The following PRKN variants were observed in gnomAD, a reference collection of about 807,000 sequenced individuals.
PRKN encodes the protein E3 ubiquitin-protein ligase parkin.
Under a neutral mutation model 59.5 loss-of-function variants are expected in PRKN, and 56 were observed. The ratio of observed to expected loss-of-function variants is 0.94; its 90% confidence interval spans 0.76 to 1.18. The LOEUF is 1.18. PRKN is among the 50% of genes most tolerant of loss of function. The pLI is 0.00. For synonymous variants in PRKN, 250 were observed against 222.1 expected (o/e 1.13, Z -1.12); for missense variants, 657 against 596.4 (o/e 1.10, Z -1.06).
chr6:162,477,402 C>T (rs562432168), intron 1 of PRKN, among the ~76,000 whole-genome samples: 44 of 152,316 alleles, frequency 2.9e-4, no homozygotes, highest in African/African-American at 1.0e-3. Flanking sequence ...GGGACTTACA[C>T]ACTGATGCAC....
chr6:162,079,779 C>A (rs780331872), intron 4 of PRKN, among the ~76,000 whole-genome samples: 1 of 152,088 alleles, frequency 6.6e-6, no homozygotes, highest in Non-Finnish European at 1.5e-5. Flanking sequence ...TTCCTGGAAA[C>A]TTTCTCTGCT....
At chr6:161,885,683 AG>A (rs201070673) in intron 6 of PRKN, among the ~76,000 whole-genome samples, 5,497 of 114,690 alleles carry the variant, frequency 0.048, 387 homozygotes, top group African/African-American at 0.18. Flanking sequence ...AAAAAAAAAA[AG>A]AATGTCTGAG....
intron 3 of PRKN, among the ~76,000 whole-genome samples, chr6:162,238,533 T>A (rs1778843598): frequency 6.6e-6 from 1 of 152,166 alleles, no homozygotes; most frequent in Non-Finnish European, 1.5e-5. Context: ...TACATAATTC[T>A]TAAAATAAAA....
chr6:161,378,866 G>C lies in PRKN; in HGVS notation c.1167+7928C>G, dbSNP rs966806550. Reference sequence around the variant, plus strand: ...TTCAGGAATCAAGGGGTGGAAGTAGGGACGGCCCCACTTCTCACTCCCAGT... The same window carrying C: ...TTCAGGAATCAAGGGGTGGAAGTAGCGACGGCCCCACTTCTCACTCCCAGT... On this transcript the variant is annotated intron_variant, in intron 10 of 11. Transcript: ENST00000366898. The surrounding 1 kb of genome is among the most constrained non-coding windows in gnomAD (Gnocchi z 7.3). Among the ~76,000 whole-genome samples the C allele has an allele frequency of 6.6e-6, 1 of 152,172 alleles. No individual in the cohort carries two copies. The highest frequency in any genetic ancestry group is 2.4e-5 in the African/African-American group (1 of 41,460).
At position 161,767,266 on chromosome 6, in the gene PRKN, C is replaced by A. The variant is rs1022744853; in HGVS notation, c.871+18506G>T. On this transcript the variant is annotated intron_variant, in intron 7 of 11. Coordinates refer to ENST00000366898, the MANE Select transcript of PRKN (RefSeq NM_004562.3). ...CGGTGGCTCATGCCTGTAATCCCAG[C>A]ACTTTGGGAGGCTGAGGCGGGCGGA... Among the ~76,000 whole-genome samples the A allele has an allele frequency of 2.0e-5, 3 of 152,156 alleles. No individual in the cohort carries two copies. In the South Asian group the frequency reaches 6.2e-4, roughly 32 times the overall value.
chr6:162,047,676 G>A (rs1193586967), intron 5 of PRKN, among the ~76,000 whole-genome samples: 1 of 152,136 alleles, frequency 6.6e-6, no homozygotes, highest in East Asian at 1.9e-4. Flanking sequence ...ATTCCTTGGA[G>A]GATAGTAATT....
chr6:162,413,331 A>G (rs1788441412), intron 2 of PRKN, among the ~76,000 whole-genome samples: 2 of 152,308 alleles, frequency 1.3e-5, no homozygotes, highest in East Asian at 1.9e-4. Context: ...ATGGAGCTAC[A>G]AGCATGAGTT....
At chr6:161,930,963 C>T (rs1034387621) in intron 6 of PRKN, among the ~76,000 whole-genome samples, 2 of 152,192 alleles carry the variant, frequency 1.3e-5, no homozygotes, top group East Asian at 1.9e-4. Flanking sequence ...CCAGAAGGAA[C>T]GTAACTCTGC....
At chr6:161,985,586 T>G (rs917224404) in intron 5 of PRKN, among the ~76,000 whole-genome samples, 1 of 152,232 alleles carries the variant, frequency 6.6e-6, no homozygotes, top group African/African-American at 2.4e-5. Flanking sequence ...CTAGGGAGTC[T>G]CTAGAAGACA....
rs924168238 is a variant in PRKN at position 161,502,121 on chromosome 6, G to A, written c.1083+46733C>T. On this transcript the variant is annotated intron_variant, in intron 9 of 11. Coordinates refer to ENST00000366898, the MANE Select transcript of PRKN (RefSeq NM_004562.3). This position sits in a 1 kb window ranked among gnomAD's most constrained non-coding sequence, Gnocchi z 4.0. Reference sequence around the variant, plus strand: ...AACTGCTTTTTGTGGATCACATGAAGCAACTCTGAAATGCATTATCCTGAT... The same window carrying A: ...AACTGCTTTTTGTGGATCACATGAAACAACTCTGAAATGCATTATCCTGAT... Among the ~76,000 whole-genome samples the A allele has an allele frequency of 6.6e-6, 1 of 152,112 alleles. No homozygotes were observed. Among genetic ancestry groups the A allele is most frequent in the African/African-American group, 2.4e-5 (1 of 41,396 alleles).
chr6:161,610,335 G>C (rs1782441802), intron 7 of PRKN, among the ~76,000 whole-genome samples: 1 of 152,024 alleles, frequency 6.6e-6, no homozygotes, highest in African/African-American at 2.4e-5. Context: ...CTTTTGTAAG[G>C]TCCTTCAGCA....
rs1785848149 is a variant in PRKN, at chr6:161,378,927, C to A, written c.1167+7867G>T. Among the ~76,000 whole-genome samples, 1 of 152,176 alleles carries A rather than the reference C, an allele frequency of 6.6e-6. No homozygotes were observed. The highest frequency in any genetic ancestry group is 2.1e-4 in the South Asian group (1 of 4,824). ...GAGTTTATGCTCTCCATCTGTGCAACCTGGCCTTGCATATATAGGGGCCCT... is the reference window on the plus strand; with the variant it reads ...GAGTTTATGCTCTCCATCTGTGCAAACTGGCCTTGCATATATAGGGGCCCT... On this transcript the variant is annotated intron_variant, in intron 10 of 11. Transcript: ENST00000366898. This position sits in a 1 kb window ranked among gnomAD's most constrained non-coding sequence, Gnocchi z 7.3.
At chr6:161,755,468 T>A (rs1265419194) in intron 7 of PRKN, among the ~76,000 whole-genome samples, 1 of 152,124 alleles carries the variant, frequency 6.6e-6, no homozygotes, top group Non-Finnish European at 1.5e-5. Flanking sequence ...GGGTTATGGA[T>A]ATATATTCCT....
At chr6:161,719,933 G>A (rs115488519) in intron 7 of PRKN, among the ~76,000 whole-genome samples, 6,300 of 152,270 alleles carry the variant, frequency 0.041, 152 homozygotes, top group African/African-American at 0.075. Context: ...CACCCAGCCC[G>A]CTGTTCTAAC....
chr6:162,524,282 A>G (rs1644296698), intron 1 of PRKN, among the ~76,000 whole-genome samples: 3 of 152,234 alleles, frequency 2.0e-5, no homozygotes, highest in Admixed American at 1.3e-4. Context: ...ACCACATCCA[A>G]TAAATATTCA....
Position 162,454,264 on chromosome 6 carries a change from T to G in PRKN, c.8-10791A>C, listed in dbSNP as rs190865422. Among the ~76,000 whole-genome samples, 235 of 152,352 alleles carry G rather than the reference T, an allele frequency of 1.5e-3. 1 individual carries two copies. Among genetic ancestry groups the G allele is most frequent in the African/African-American group, 5.6e-3 (231 of 41,586 alleles). On this transcript the variant is annotated intron_variant, in intron 1 of 11. Coordinates refer to ENST00000366898, the MANE Select transcript of PRKN (RefSeq NM_004562.3). Reference sequence around the variant, plus strand: ...AATGTTTGGTTTTAAAAATGTACCATTTATTTTCTTTAAATAAGAAAAGTG... The same window carrying G: ...AATGTTTGGTTTTAAAAATGTACCAGTTATTTTCTTTAAATAAGAAAAGTG...
chr6:162,646,982 G>C (rs908788776), intron 1 of PRKN, among the ~76,000 whole-genome samples: 2 of 152,044 alleles, frequency 1.3e-5, no homozygotes, highest in Admixed American at 1.3e-4. Flanking sequence ...AACAAAAATG[G>C]CTCATAAGTC....
chr6:161,718,838 G>GA (rs112876509), intron 7 of PRKN, among the ~76,000 whole-genome samples: 3 of 152,020 alleles, frequency 2.0e-5, no homozygotes, highest in African/African-American at 7.2e-5. Flanking sequence ...TTATCCTGCA[G>GA]AAAAAAAATT....
chr6:162,072,098 G>A (rs1778600972), intron 4 of PRKN, among the ~76,000 whole-genome samples: 1 of 152,122 alleles, frequency 6.6e-6, no homozygotes, highest in African/African-American at 2.4e-5. Context: ...ATGGAATACT[G>A]AAAGAGACTT....
Sources: gnomAD v4.1 joint callset for allele counts (sites outside exome capture counted in the v4.1 genomes callset) on GRCh38, gnomAD v4.1.1 for gene constraint, Gnocchi (gnomAD v3.1) non-coding constraint, MANE v1.5 for transcripts, NCBI Gene and HGNC (gene_info 2026-07-23, HGNC 2026-07-21) for gene names.